Variants in TCF20 observed in about 807,000 individuals in gnomAD.
TCF20 encodes the protein transcription factor 20.
Under a neutral mutation model 148.6 loss-of-function variants are expected in TCF20, and 3 were observed. The ratio of observed to expected loss-of-function variants is 0.02; its 90% confidence interval spans 0.01 to 0.05. The LOEUF (loss-of-function observed/expected upper bound fraction) is 0.05. Ranked by LOEUF, TCF20 falls within the 10% of genes least tolerant of loss-of-function variation. TCF20 has a pLI of 1.00. For missense variants in TCF20, 2,350 were observed against 2,429.3 expected (o/e 0.97, Z 0.69); for synonymous variants, 1,049 against 909.5 (o/e 1.15, Z -2.76).
intron 5 of TCF20, among the ~76,000 whole-genome samples, chr22:42,162,531 C>T (rs1935529332): frequency 6.6e-6 from 1 of 152,186 alleles, no homozygotes; most frequent in Non-Finnish European, 1.5e-5. Context: ...CTTCATGGGC[C>T]ATCTGATGTG....
chr22:42,280,770 T>G (rs941522812), intron 1 of TCF20, among the ~76,000 whole-genome samples: 1 of 152,232 alleles, frequency 6.6e-6, no homozygotes, highest in African/African-American at 2.4e-5. Flanking sequence ...GTTATCTTTT[T>G]TTAAGCTAAC....
chr22:42,336,480 C>T (rs915113448), intron 1 of TCF20, among the ~76,000 whole-genome samples: 3 of 152,084 alleles, frequency 2.0e-5, no homozygotes, highest in South Asian at 4.1e-4. Context: ...TTCCCTCCCC[C>T]ACCTCCCCAT....
intron 2 of TCF20, among the ~76,000 whole-genome samples, chr22:42,190,150 C>T (rs1937256140): frequency 6.6e-6 from 1 of 152,130 alleles, no homozygotes; most frequent in Non-Finnish European, 1.5e-5. Context: ...CTTAAAGACA[C>T]TGATCAGGGC....
At chr22:42,243,560 C>A (rs982249684) in intron 1 of TCF20, among the ~76,000 whole-genome samples, 4 of 152,024 alleles carry the variant, frequency 2.6e-5, no homozygotes, top group Non-Finnish European at 5.9e-5. Flanking sequence ...TGAGATCACA[C>A]CACTGCACTC....
At chr22:42,165,803 T>C (rs1226508325) in intron 5 of TCF20, among the ~76,000 whole-genome samples, 2 of 152,224 alleles carry the variant, frequency 1.3e-5, no homozygotes, top group Non-Finnish European at 2.9e-5. Flanking sequence ...TCTCAAAAGG[T>C]TGGCACTGCT....
intron 1 of TCF20, among the ~76,000 whole-genome samples, chr22:42,257,099 G>A (rs1332135242): frequency 6.6e-6 from 1 of 152,202 alleles, no homozygotes; most frequent in Non-Finnish European, 1.5e-5. Flanking sequence ...ACTCAAGGCT[G>A]CAGTGCGCCA....
chr22:42,262,395 C>T (rs1002180993), intron 1 of TCF20, among the ~76,000 whole-genome samples: 1 of 152,080 alleles, frequency 6.6e-6, no homozygotes, highest in South Asian at 2.1e-4. Flanking sequence ...AAGGAGGAAT[C>T]TGATTTGAGA....
upstream of TCF20, among the ~76,000 whole-genome samples, chr22:42,285,096 G>A (rs887033063): frequency 6.6e-6 from 1 of 152,206 alleles, no homozygotes; most frequent in African/African-American, 2.4e-5. This position sits in a 1 kb window ranked among gnomAD's most constrained non-coding sequence, Gnocchi z 4.2. Flanking sequence ...GCTTCAGCCT[G>A]AGGCCCCTGG....
At chr22:42,180,881 G>C (rs961887764) in intron 2 of TCF20, among the ~76,000 whole-genome samples, 1 of 152,218 alleles carries the variant, frequency 6.6e-6, no homozygotes, top group South Asian at 2.1e-4. Flanking sequence ...AGAGACAAAA[G>C]AGGTAGGAAC....
chr22:42,185,174 T>TA (rs1214802189), intron 2 of TCF20, among the ~76,000 whole-genome samples: 1 of 152,230 alleles, frequency 6.6e-6, no homozygotes, highest in African/African-American at 2.4e-5. Context: ...ACAGTAGTAT[T>TA]ATAGCACACT....
rs533354112 is a variant in TCF20 at position 42,303,209 on chromosome 22, C to T, written c.-37+40270G>A. ...CCTTCCAAAGTGCTGGGATTACAGG[C>T]GTGAGCCACCATGCCAGGCCAAGCA... is the stretch of plus-strand genomic sequence containing the variant. On this transcript the variant is annotated intron_variant, in intron 1 of 1. Coordinates refer to the TCF20 transcript ENST00000515426. Among the ~76,000 whole-genome samples, 11 of 152,354 alleles carry T rather than the reference C, an allele frequency of 7.2e-5. No homozygotes were observed. In the East Asian group the frequency reaches 1.2e-3, roughly 16 times the overall value.
chr22:42,272,840 G>C (rs563070445), upstream of TCF20, among the ~76,000 whole-genome samples: 1 of 152,114 alleles, frequency 6.6e-6, no homozygotes, highest in Admixed American at 6.5e-5. Flanking sequence ...TCCCCCTTTG[G>C]TTTCCTCAGC....
chr22:42,270,761 T>C (rs961983693), upstream of TCF20, among the ~76,000 whole-genome samples: 2 of 80,058 alleles, frequency 2.5e-5, no homozygotes, highest in South Asian at 3.6e-4. Context: ...GGCGGGGCGC[T>C]GGGGGCGGGG....
chr22:42,210,292 G>C lies in TCF20; in HGVS notation c.5014C>G (p.Pro1672Ala). The C allele has an allele frequency of 1.9e-6, 3 of 1,614,128 alleles. No homozygotes were observed. The highest frequency in any genetic ancestry group is 2.5e-6 in the Non-Finnish European group (3 of 1,180,022). ...RGRKGQRSLT[P>A]PPSSTESKAL... ...TTGCTTTCAGTGCTGCTAGGTGGAG[G>C]GGTCAGTGACCTCTGACCCTTCCTG... Residue 1672 changes from proline to alanine, a missense_variant, in exon 2 of 6, where the codon CCT (proline) becomes GCT (alanine). Physicochemically the swap from Pro to Ala is conservative, Grantham distance 27. Around this residue, in one of 7 missense-constraint regions of TCF20, gnomAD observed 374 missense variants for 398.3 expected, o/e 0.94. Transcript: ENST00000677622. The surrounding 1 kb of genome is among the most constrained non-coding windows in gnomAD (Gnocchi z 4.7).
intron 1 of TCF20, among the ~76,000 whole-genome samples, chr22:42,232,763 C>T (rs1308737366): frequency 2.0e-5 from 3 of 148,230 alleles, no homozygotes; most frequent in Middle Eastern, 3.4e-3. Flanking sequence ...CGTGCCACTG[C>T]GCTCCAGCCT....
In TCF20 at chr22:42,297,877, G is replaced by A. The variant is rs867271219; in HGVS notation, c.-37+45602C>T. ...GAACACATGGAGGGTTCACAGCAGG[G>A]CTCCTCTCTGGCACCCATGCAGAGC... On this transcript the variant is annotated intron_variant, in intron 1 of 1. Coordinates refer to the TCF20 transcript ENST00000515426. This position sits in a 1 kb window ranked among gnomAD's most constrained non-coding sequence, Gnocchi z 4.3. Among the ~76,000 whole-genome samples the A allele has an allele frequency of 6.6e-6, 1 of 152,182 alleles. No individual in the cohort carries two copies. The highest frequency in any genetic ancestry group is 1.5e-5 in the Non-Finnish European group (1 of 68,038).
chr22:42,191,000 C>A (rs1207000492), intron 2 of TCF20, among the ~76,000 whole-genome samples: 2 of 152,048 alleles, frequency 1.3e-5, no homozygotes, highest in African/African-American at 4.8e-5. Flanking sequence ...TCAGGTTCTG[C>A]ATTAATAAAT....
chr22:42,256,542 A>G (rs1925755384), intron 1 of TCF20, among the ~76,000 whole-genome samples: 1 of 151,686 alleles, frequency 6.6e-6, no homozygotes, highest in African/African-American at 2.4e-5. Flanking sequence ...TCCAGCTCAA[A>G]TTTCTCCTAC....
chr22:42,229,664 C>A (rs1345572203), intron 1 of TCF20, among the ~76,000 whole-genome samples: 2 of 152,212 alleles, frequency 1.3e-5, no homozygotes, highest in Non-Finnish European at 2.9e-5. Flanking sequence ...CCACTCCACA[C>A]AGACCATGCG....
Sources: gnomAD v4.1 joint callset for allele counts (sites outside exome capture counted in the v4.1 genomes callset) on GRCh38, gnomAD v4.1.1 for gene constraint, gnomAD v4.1.1 regional missense constraint, Gnocchi (gnomAD v3.1) non-coding constraint, MANE v1.5 for transcripts, NCBI Gene and HGNC (gene_info 2026-07-23, HGNC 2026-07-21) for gene names.